RTTN: variants seen among roughly 807,000 people sequenced by gnomAD.
RTTN encodes the protein rotatin.
Under a neutral mutation model 269.2 loss-of-function variants are expected in RTTN, and 182 were observed. The observed-to-expected ratio is 0.68, with a 90% CI of 0.60 to 0.76. The LOEUF (loss-of-function observed/expected upper bound fraction) is 0.76. Ranked by LOEUF, RTTN falls within the 30% of genes least tolerant of loss-of-function variation. The pLI is 0.00. For missense variants in RTTN, 2,545 were observed against 2,608.6 expected (o/e 0.98, Z 0.53); for synonymous variants, 1,006 against 963.5 (o/e 1.04, Z -0.82).
At chr18:70,010,732 A>C (rs547873200) in intron 46 of RTTN, among the ~76,000 whole-genome samples, 1 of 152,348 alleles carries the variant, frequency 6.6e-6, no homozygotes, top group South Asian at 2.1e-4. Flanking sequence ...AGAAATAACT[A>C]AGATCAGAGC....
intron 28 of RTTN, among the ~76,000 whole-genome samples, chr18:70,104,369 T>C (rs1246832595): frequency 6.6e-6 from 1 of 152,216 alleles, no homozygotes; most frequent in East Asian, 1.9e-4. Flanking sequence ...CTATACTGTT[T>C]ATTCTAGTTA....
intron 8 of RTTN, among the ~76,000 whole-genome samples, chr18:70,191,264 A>T (rs1419106126): frequency 2.0e-5 from 3 of 152,126 alleles, no homozygotes; most frequent in Non-Finnish European, 2.9e-5. Flanking sequence ...TCAGGCTGAT[A>T]TCTCAAAACA....
At chr18:70,142,900 C>T (rs567835275) in intron 18 of RTTN, among the ~76,000 whole-genome samples, 1 of 152,284 alleles carries the variant, frequency 6.6e-6, no homozygotes, top group South Asian at 2.1e-4. Flanking sequence ...TAGTACACAC[C>T]TGTAATCCCA....
chr18:70,060,781 C>T (rs77801717), intron 35 of RTTN, among the ~76,000 whole-genome samples: 7 of 152,220 alleles, frequency 4.6e-5, no homozygotes, highest in African/African-American at 1.7e-4. Flanking sequence ...CCTCTGGTAA[C>T]CCTCATTCTA....
intron 8 of RTTN, among the ~76,000 whole-genome samples, chr18:70,191,286 C>T (rs191904685): frequency 1.9e-4 from 29 of 152,152 alleles, no homozygotes; most frequent in African/African-American, 5.3e-4. Flanking sequence ...GTCAACATTC[C>T]TATAGTAGGA....
intron 40 of RTTN, among the ~76,000 whole-genome samples, chr18:70,044,394 TAGAG>T (rs2057432757): frequency 1.3e-5 from 2 of 152,170 alleles, no homozygotes; most frequent in African/African-American, 4.8e-5. Flanking sequence ...CTACTACATA[TAGAG>T]AGATTTTTAT....
intron 35 of RTTN, among the ~76,000 whole-genome samples, chr18:70,065,458 G>A (rs2058107708): frequency 6.6e-6 from 1 of 152,044 alleles, no homozygotes; most frequent in African/African-American, 2.4e-5. Flanking sequence ...CATAGCCTTA[G>A]AAAATACTTA....
chr18:70,085,530 A>G (rs116285925), intron 32 of RTTN, among the ~76,000 whole-genome samples: 17 of 152,294 alleles, frequency 1.1e-4, no homozygotes, highest in African/African-American at 3.4e-4. Context: ...AGATTTATAC[A>G]GGATTTTGAG....
Position 70,176,805 on chromosome 18 carries a change from G to T in RTTN, c.1346C>A (p.Thr449Asn). ...GATACTACTTTTATGGTAGCACATG[G>T]TTTCTCCAAGGGCTCCCAACACCAG... ...LLLVLGALGE[T>N]MCYHKSSISL... The change falls in exon 11 of 49, where the codon ACC becomes AAC. Residue 449 changes from threonine to asparagine, a missense_variant. Coordinates refer to ENST00000640769, the MANE Select transcript of RTTN (RefSeq NM_173630.4). 6.2e-7 allele frequency: 1 copy of T among 1,613,806 alleles called. No individual in the cohort carries two copies. The highest frequency in any genetic ancestry group is 8.5e-7 in the Non-Finnish European group (1 of 1,179,862).
At chr18:70,025,110 T>C (rs530689701) in intron 43 of RTTN, among the ~76,000 whole-genome samples, 5 of 152,312 alleles carry the variant, frequency 3.3e-5, no homozygotes, top group South Asian at 2.1e-4. Context: ...CTGTGTAACA[T>C]GTAAATTAAA....
At position 70,059,946 on chromosome 18, in the gene RTTN, G is replaced by C. The variant is rs769925526; in HGVS notation, c.4844C>G (p.Ser1615Ter). ...LCVFVTPSLL[S>*]AMCSLLDNLL... is the part of the protein sequence containing the mutation. ...GTTGTCCAAGAGGCTGCACATTGCTGAAAGAAGAGATGGAGTAACAAAAAC... is the reference window on the plus strand; with the variant it reads ...GTTGTCCAAGAGGCTGCACATTGCTCAAAGAAGAGATGGAGTAACAAAAAC... Residue 1615 changes from serine to a stop codon, truncating the protein, a stop_gained, in exon 36 of 49, where the codon TCA (serine) becomes TGA (stop). Transcript: ENST00000640769. LOFTEE classifies it high-confidence loss of function. 4 of 1,614,064 alleles carry C rather than the reference G, an allele frequency of 2.5e-6. No individual in the cohort carries two copies. Among genetic ancestry groups the C allele is most frequent in the Non-Finnish European group, 8.5e-7 (1 of 1,179,950 alleles).
chr18:70,140,005 A>G (rs889680330), intron 20 of RTTN, 95 bp downstream of exon 20: 3 of 837,950 alleles, frequency 3.6e-6, no homozygotes, highest in Admixed American at 5.3e-5. Context: ...AGAATTTAAA[A>G]TCCAAGTACT....
intron 13 of RTTN, 64 bp from the exon 14 acceptor site, chr18:70,166,252 A>G: frequency 6.5e-7 from 1 of 1,537,116 alleles, no homozygotes; most frequent in Non-Finnish European, 9.0e-7. Context: ...AAAGACTGCA[A>G]AGCATACTGG....
At chr18:70,080,948 A>G (rs920382475) in intron 32 of RTTN, among the ~76,000 whole-genome samples, 1 of 151,322 alleles carries the variant, frequency 6.6e-6, no homozygotes, top group African/African-American at 2.4e-5. Flanking sequence ...ACACACACAC[A>G]CACACACACA....
chr18:70,061,988 TA>T (rs1288088881), intron 35 of RTTN, among the ~76,000 whole-genome samples: 22 of 152,262 alleles, frequency 1.4e-4, no homozygotes, highest in African/African-American at 5.1e-4. Context: ...ACAATATATT[TA>T]CTTATTTGCC....
At chr18:70,070,739 C>T (rs73964494) in intron 34 of RTTN, among the ~76,000 whole-genome samples, 4,061 of 152,254 alleles carry the variant, frequency 0.027, 180 homozygotes, top group African/African-American at 0.092. Flanking sequence ...CCACATTCTA[C>T]TCCAAACAAC....
chr18:70,086,688 A>C lies in RTTN; in HGVS notation c.4303-4T>G. The C allele has an allele frequency of 7.7e-7, 1 of 1,295,850 alleles. No homozygotes were observed. The highest frequency in any genetic ancestry group is 1.1e-6 in the Non-Finnish European group (1 of 950,446). The allele number at this position is 1,295,850 out of a possible 1,614,324, so 80.3% of individuals were successfully genotyped here. A position where few individuals can be genotyped will look rare whatever the true frequency, so the allele number is the denominator to read the frequency against. On this transcript the variant is annotated splice_region_variant and splice_polypyrimidine_tract_variant and intron_variant, in intron 31 of 48. Coordinates refer to ENST00000640769, the MANE Select transcript of RTTN (RefSeq NM_173630.4). ...GATTCTGAAGAATAAATGCCGCCTG[A>C]AAATGTAAAAAAAAAAAAAAAAAAA...
At chr18:70,023,330 T>C (rs1331028251) in intron 44 of RTTN, among the ~76,000 whole-genome samples, 1 of 152,240 alleles carries the variant, frequency 6.6e-6, no homozygotes, top group Non-Finnish European at 1.5e-5. Flanking sequence ...GTAATTTCTT[T>C]TGTAGCAATA....
intron 28 of RTTN, among the ~76,000 whole-genome samples, chr18:70,096,722 G>C (rs986591700): frequency 5.3e-5 from 8 of 152,176 alleles, no homozygotes; most frequent in African/African-American, 1.9e-4. Flanking sequence ...CCTATATGAG[G>C]TGTCTGTCAA....
Sources: allele counts gnomAD v4.1 joint callset (sites outside exome capture counted in the v4.1 genomes callset), GRCh38; gene constraint gnomAD v4.1.1; transcripts MANE v1.5; gene names NCBI Gene and HGNC (gene_info 2026-07-23, HGNC 2026-07-21).